MAGI1: variants seen among roughly 807,000 people sequenced by gnomAD.
The protein encoded by MAGI1 is membrane-associated guanylate kinase, WW and PDZ domain-containing protein 1.
In MAGI1, 58 loss-of-function variants were observed where a neutral mutation model predicts 139.9. The ratio of observed to expected loss-of-function variants is 0.41; its 90% CI spans 0.34 to 0.52. The LOEUF (loss-of-function observed/expected upper bound fraction) is 0.52, where lower values mean the gene tolerates loss of function less well. MAGI1 is among the 20% of genes least tolerant of loss of function. The pLI, the probability that MAGI1 is intolerant of heterozygous loss-of-function variation, is 0.12. For missense variants in MAGI1, 1,874 were observed against 1,901.6 expected (o/e 0.99, Z 0.27); for synonymous variants, 812 against 737.9 (o/e 1.10, Z -1.63).
At chr3:65,472,227 A>T (rs1460330856) in intron 4 of MAGI1, among the ~76,000 whole-genome samples, 1 of 152,182 alleles carries the variant, frequency 6.6e-6, no homozygotes, top group African/African-American at 2.4e-5. Context: ...GGCAAGAATT[A>T]AAGGAGTCAC....
At chr3:65,517,946 G>C (rs1020572641) in intron 2 of MAGI1, among the ~76,000 whole-genome samples, 2 of 152,104 alleles carry the variant, frequency 1.3e-5, no homozygotes, top group African/African-American at 4.8e-5. Context: ...GATCCCAAAT[G>C]ATATACTTAA....
Position 65,363,446 on chromosome 3 carries a change from G to A in MAGI1, c.3495+19C>T. 1 of 1,594,404 alleles carries A rather than the reference G, an allele frequency of 6.3e-7. No homozygotes were observed. Among genetic ancestry groups the A allele is most frequent in the Non-Finnish European group, 8.6e-7 (1 of 1,169,358 alleles). On this transcript the variant is annotated intron_variant, in intron 21 of 22. Coordinates refer to ENST00000402939, the MANE Select transcript of MAGI1 (RefSeq NM_001033057.2). ...AGATGGTTTCTTTGCACCTACCCCA[G>A]ACTCCTCTCTCCACTTACCCTCATC...
At chr3:65,560,615 C>T (rs2080301278) in intron 2 of MAGI1, among the ~76,000 whole-genome samples, 1 of 152,254 alleles carries the variant, frequency 6.6e-6, no homozygotes, top group African/African-American at 2.4e-5. Flanking sequence ...TTTCCTGCTA[C>T]TCCCACTCCT....
intron 2 of MAGI1, among the ~76,000 whole-genome samples, chr3:65,574,140 T>A (rs2081077479): frequency 6.6e-6 from 1 of 152,020 alleles, no homozygotes; most frequent in Admixed American, 6.6e-5. Context: ...TATATTTCTT[T>A]CTGCTTGTAA....
intron 1 of MAGI1, among the ~76,000 whole-genome samples, chr3:65,839,639 T>C (rs1289259987): frequency 6.6e-6 from 1 of 152,100 alleles, no homozygotes; most frequent in Non-Finnish European, 1.5e-5. Flanking sequence ...ATATAAACTA[T>C]AAAACTGTTT....
chr3:65,700,097 T>G (rs563531401), intron 1 of MAGI1, among the ~76,000 whole-genome samples: 3 of 152,242 alleles, frequency 2.0e-5, no homozygotes, highest in Admixed American at 2.0e-4. Context: ...CATTTTTGGT[T>G]TGTACATTAA....
chr3:65,492,255 G>C (rs1952092651), intron 3 of MAGI1, among the ~76,000 whole-genome samples: 1 of 152,122 alleles, frequency 6.6e-6, no homozygotes, highest in Non-Finnish European at 1.5e-5. Flanking sequence ...ACTCCAAAAA[G>C]TAATCAAGCT....
chr3:65,578,163 G>T (rs1387580191), intron 2 of MAGI1, among the ~76,000 whole-genome samples: 1 of 152,084 alleles, frequency 6.6e-6, no homozygotes, highest in African/African-American at 2.4e-5. Flanking sequence ...TGGCAACCAG[G>T]CTATGTATTC....
intron 4 of MAGI1, among the ~76,000 whole-genome samples, chr3:65,474,903 C>A (rs1018993637): frequency 1.3e-5 from 2 of 152,008 alleles, no homozygotes; most frequent in Non-Finnish European, 2.9e-5. Flanking sequence ...ACCAGTTTTG[C>A]GATACTGGAC....
In MAGI1 at chr3:65,375,961, GTT is replaced by G. The variant is rs781345945; in HGVS notation, c.2996-18_2996-17del. Reference sequence around the variant, plus strand: ...CATGCATTGCCTGCTTTGATATTGAGTTTTAATTTTTTTAAAGTTACGTGGGA... The same window carrying G: ...CATGCATTGCCTGCTTTGATATTGAGTTAATTTTTTTAAAGTTACGTGGGA... On this transcript the variant is annotated splice_polypyrimidine_tract_variant and intron_variant, in intron 17 of 22. Transcript: ENST00000402939. 1.5e-4 allele frequency: 245 copies of G among 1,602,784 alleles called. 2 individuals carry two copies. Among genetic ancestry groups the G allele is most frequent in the Middle Eastern group, 1.2e-3 (7 of 6,002 alleles).
intron 1 of MAGI1, among the ~76,000 whole-genome samples, chr3:65,716,092 G>A (rs1041247790): frequency 2.0e-5 from 3 of 152,120 alleles, no homozygotes; most frequent in African/African-American, 7.2e-5. Flanking sequence ...TAAACCATTC[G>A]AGCCCCCTCA....
intron 1 of MAGI1, among the ~76,000 whole-genome samples, chr3:66,024,282 T>G (rs2068111021): frequency 6.9e-6 from 1 of 145,904 alleles, no homozygotes; most frequent in Non-Finnish European, 1.5e-5. Flanking sequence ...AAAGAAAACT[T>G]TGAACCAGTG....
chr3:65,841,360 G>A (rs2058797470), intron 1 of MAGI1, among the ~76,000 whole-genome samples: 1 of 151,280 alleles, frequency 6.6e-6, no homozygotes, highest in South Asian at 2.1e-4. Flanking sequence ...TGATGTAGGG[G>A]CTCCAAACTG....
At chr3:65,412,895 G>A (rs2107209696) in intron 12 of MAGI1, among the ~76,000 whole-genome samples, 1 of 152,142 alleles carries the variant, frequency 6.6e-6, no homozygotes, top group South Asian at 2.1e-4. Context: ...AAGCTCAGAG[G>A]GAAACACCAA....
chr3:66,018,513 G>C (rs549503345), intron 1 of MAGI1, among the ~76,000 whole-genome samples: 3 of 152,128 alleles, frequency 2.0e-5, no homozygotes, highest in African/African-American at 7.2e-5. Context: ...TTAAGCAAGT[G>C]ATCAAGGTCA....
intron 1 of MAGI1, chr3:65,893,722 G>A (rs1395295464): frequency 6.6e-6 from 1 of 152,188 alleles, no homozygotes; most frequent in Non-Finnish European, 1.5e-5. Flanking sequence ...ATCTACTGCT[G>A]CGTAATAAAT....
chr3:65,448,403 C>T (rs988452893), intron 6 of MAGI1, among the ~76,000 whole-genome samples: 1 of 152,152 alleles, frequency 6.6e-6, no homozygotes, highest in African/African-American at 2.4e-5. Context: ...GTAAACAAAG[C>T]TGTTAGACCT....
chr3:65,439,454 C>A (rs1216652307), intron 9 of MAGI1, among the ~76,000 whole-genome samples: 1 of 152,076 alleles, frequency 6.6e-6, no homozygotes, highest in Non-Finnish European at 1.5e-5. Context: ...TTTAAAAGCA[C>A]CCAAAACTAC....
chr3:65,759,085 A>AAG (rs2036799961), intron 1 of MAGI1, among the ~76,000 whole-genome samples: 1 of 149,224 alleles, frequency 6.7e-6, no homozygotes, highest in East Asian at 1.9e-4. Flanking sequence ...AAAAAAAAAA[A>AAG]AAAAAAAAAA....
Sources: allele counts gnomAD v4.1 joint callset (sites outside exome capture counted in the v4.1 genomes callset), GRCh38; gene constraint gnomAD v4.1.1; transcripts MANE v1.5; gene names NCBI Gene and HGNC (gene_info 2026-07-23, HGNC 2026-07-21).